HORMAD2: variants seen among roughly 807,000 people sequenced by gnomAD.
The protein encoded by HORMAD2 is HORMA domain containing 2.
In HORMAD2, 45 loss-of-function variants were observed where a neutral mutation model predicts 38.8. The observed-to-expected ratio is 1.16, with a 90% CI of 0.91 to 1.49. The LOEUF (loss-of-function observed/expected upper bound fraction) is 1.49. Among genes scored for constraint, HORMAD2 ranks in the 40% most tolerant of loss-of-function variants. The pLI, the probability that HORMAD2 is intolerant of heterozygous loss-of-function variation, is 0.00. For missense variants in HORMAD2, 338 were observed against 367.0 expected (o/e 0.92, Z 0.65); for synonymous variants, 126 against 122.8 (o/e 1.03, Z -0.17).
chr22:30,152,653 T>C (rs1385311700), intron 10 of HORMAD2, among the ~76,000 whole-genome samples: 1 of 152,186 alleles, frequency 6.6e-6, no homozygotes, highest in Non-Finnish European at 1.5e-5. Context: ...ATATTGATGA[T>C]ATACTCATTT....
intron 5 of HORMAD2, 129 bp downstream of exon 5, chr22:30,104,566 TTTC>T: frequency 1.5e-6 from 1 of 653,952 alleles, no homozygotes; most frequent in Admixed American, 3.2e-5. Context: ...CATAAACTAA[TTTC>T]TTATCTTATG....
At chr22:30,169,849 A>G (rs1051621607) in intron 10 of HORMAD2, among the ~76,000 whole-genome samples, 14 of 152,024 alleles carry the variant, frequency 9.2e-5, no homozygotes, top group Non-Finnish European at 1.8e-4. Context: ...GTCATGTTTT[A>G]CTCCTTTCTT....
intron 1 of HORMAD2, among the ~76,000 whole-genome samples, chr22:30,082,398 C>T (rs2068497594): frequency 6.6e-6 from 1 of 152,200 alleles, no homozygotes; most frequent in East Asian, 1.9e-4. Context: ...GTGGTTTAGG[C>T]CTTAGTAAAC....
intron 10 of HORMAD2, among the ~76,000 whole-genome samples, chr22:30,138,146 A>G (rs1923798507): frequency 6.6e-6 from 1 of 151,862 alleles, no homozygotes; most frequent in African/African-American, 2.4e-5. Flanking sequence ...TTTAATTTGT[A>G]TTTCTCTAAT....
chr22:30,119,283 G>T (rs1004442718), intron 8 of HORMAD2, among the ~76,000 whole-genome samples: 1 of 152,126 alleles, frequency 6.6e-6, no homozygotes, highest in South Asian at 2.1e-4. Flanking sequence ...ATGTCAATAA[G>T]GTTGCCTACA....
chr22:30,123,724 T>C (rs1922624142), intron 10 of HORMAD2, among the ~76,000 whole-genome samples: 1 of 151,680 alleles, frequency 6.6e-6, no homozygotes, highest in African/African-American at 2.4e-5. Context: ...AGTGCTGGAG[T>C]GCAGTAGTTG....
At chr22:30,091,041 A>G (rs1249972857) in intron 1 of HORMAD2, among the ~76,000 whole-genome samples, 1 of 152,102 alleles carries the variant, frequency 6.6e-6, no homozygotes, top group Non-Finnish European at 1.5e-5. Flanking sequence ...CTGAGAGCTC[A>G]TCTGTTTTAG....
chr22:30,158,559 CT>C lies in HORMAD2; in HGVS notation c.820-17503del, dbSNP rs1327057137. 6.4e-3 allele frequency among the ~76,000 whole-genome samples: 650 copies of C among 101,174 alleles called. 4 individuals carry two copies. The highest frequency in any genetic ancestry group is 7.7e-3 in the Non-Finnish European group (391 of 50,812). 66.4% of individuals were successfully genotyped at this position (101,174 alleles called of 152,430 possible). On this transcript the variant is annotated intron_variant, in intron 10 of 10. Transcript: ENST00000336726. Reference sequence around the variant, plus strand: ...TTTCCTTCCTTCCTTCCTCCCTCCCCTCCCCTCCCTTCCCCTTCCCCTTCTC... The same window carrying C: ...TTTCCTTCCTTCCTTCCTCCCTCCCCCCCCTCCCTTCCCCTTCCCCTTCTC...
At chr22:30,169,909 G>A (rs1926008710) in intron 10 of HORMAD2, among the ~76,000 whole-genome samples, 1 of 152,064 alleles carries the variant, frequency 6.6e-6, no homozygotes, top group African/African-American at 2.4e-5. Context: ...CACTGGTGTT[G>A]GACATAAGTA....
rs553008507 is a variant in HORMAD2 at position 30,119,194 on chromosome 22, C to T, written c.410+147C>T. On this transcript the variant is annotated intron_variant, in intron 8 of 10. Transcript: ENST00000336726. ...CCACTATTATAAAAAGGGGCTGCAA[C>T]AATTGTTTACATTCCTGAAATCCAT... 345 of 605,694 alleles carry T rather than the reference C, an allele frequency of 5.7e-4. 2 individuals are homozygous for T. The highest frequency in any genetic ancestry group is 5.9e-6 in the Non-Finnish European group (2 of 339,722). 37.5% of individuals were successfully genotyped at this position (605,694 alleles called of 1,614,324 possible).
chr22:30,200,474 T>C, the HORMAD2 span, among the ~76,000 whole-genome samples: 10 of 152,280 alleles, frequency 6.6e-5, no homozygotes, highest in East Asian at 1.9e-3. Context: ...ATTGGAATTA[T>C]GGTTCTCAAT....
intron 10 of HORMAD2, among the ~76,000 whole-genome samples, chr22:30,143,907 A>G (rs1924246911): frequency 6.6e-6 from 1 of 151,544 alleles, no homozygotes; most frequent in Admixed American, 6.6e-5. Context: ...TGTTGCTCCC[A>G]CTCTTGCCAT....
intron 1 of HORMAD2, 56 bp from the exon 2 acceptor site, chr22:30,093,860 A>G (rs1211165354): frequency 1.2e-6 from 1 of 834,812 alleles, no homozygotes; most frequent in African/African-American, 1.8e-5. Flanking sequence ...GGGCAGAGTA[A>G]GAGAGGAAGC....
At chr22:30,146,111 G>T (rs1924397125) in intron 10 of HORMAD2, among the ~76,000 whole-genome samples, 1 of 152,188 alleles carries the variant, frequency 6.6e-6, no homozygotes. Context: ...CCATGTTACA[G>T]AATGAAGGAG....
intron 10 of HORMAD2, among the ~76,000 whole-genome samples, chr22:30,166,708 T>A (rs566914781): frequency 6.6e-6 from 1 of 152,244 alleles, no homozygotes; most frequent in Non-Finnish European, 1.5e-5. Context: ...TTTACAAATA[T>A]TTCTGTTGTC....
chr22:30,177,270 A>AAC (rs200963783), downstream of HORMAD2, among the ~76,000 whole-genome samples: 10 of 151,900 alleles, frequency 6.6e-5, no homozygotes, highest in East Asian at 1.9e-4. Context: ...TCCAGATTCT[A>AAC]ACACACACAC....
At chr22:30,168,175 A>G (rs73402640) in intron 10 of HORMAD2, among the ~76,000 whole-genome samples, 1 of 152,114 alleles carries the variant, frequency 6.6e-6, no homozygotes, top group African/African-American at 2.4e-5. Context: ...TACTTTTACC[A>G]CTTAAGTGTT....
chr22:30,101,692 G>A (rs1419910275), intron 3 of HORMAD2, among the ~76,000 whole-genome samples: 2 of 151,894 alleles, frequency 1.3e-5, no homozygotes, highest in African/African-American at 2.4e-5. Context: ...CTTGTAAGAT[G>A]TTATTTTTCA....
At position 30,093,994 on chromosome 22, in the gene HORMAD2, G is replaced by C. The variant is rs751741470; in HGVS notation, c.42G>C (p.Lys14Asn). 3 of 1,602,650 alleles carry C rather than the reference G, an allele frequency of 1.9e-6. No homozygotes were observed. The East Asian group carries it at 6.7e-5, about 36-fold the overall frequency. The change falls in exon 2 of 11, where the codon AAG becomes AAC. Residue 14 changes from lysine (K) to asparagine (N), a missense_variant. Lys to Asn is a moderately conservative substitution (Grantham distance 94). Transcript: ENST00000336726. The part of the protein sequence containing the change: ...AQLSHCITIH[K>N]ASKETVFPSQ... ...TTTCTCACTGCATCACAATACACAA[G>C]GCTTCTAAGGTATTTGTTAAGAATT...
Sources: allele counts gnomAD v4.1 joint callset (sites outside exome capture counted in the v4.1 genomes callset), GRCh38; gene constraint gnomAD v4.1.1; transcripts MANE v1.5; gene names NCBI Gene and HGNC (gene_info 2026-07-23, HGNC 2026-07-21).